The following WDR13 variants were observed in gnomAD, a reference collection of about 807,000 sequenced individuals.
WDR13 encodes the protein WD repeat domain 13.
WDR13 carries 1 observed loss-of-function variant against 28.6 expected under a neutral mutation model. That is an observed-to-expected ratio of 0.03 (90% CI 0.01 to 0.17). The LOEUF (loss-of-function observed/expected upper bound fraction) is 0.17, where lower values mean the gene tolerates loss of function less well. Ranked by LOEUF, WDR13 falls within the 10% of genes least tolerant of loss-of-function variation. WDR13 has a pLI of 1.00. For missense variants in WDR13, 264 were observed against 469.3 expected, an observed-to-expected ratio of 0.56 and a Z score of 4.04; for synonymous variants, 201 against 185.9, an observed-to-expected ratio of 1.08 and a Z score of -0.66.
Position 48,604,123 on chromosome X carries a change from A to C in WDR13, c.1155-149A>C, listed in dbSNP as rs2062205755. 7 of 458,397 alleles carry C rather than the reference A, an allele frequency of 1.5e-5. No homozygotes were observed. In the South Asian group the frequency reaches 2.4e-4, roughly 16 times the overall value. The allele number at this position is 458,397 out of a possible 1,213,427, so 37.8% of individuals were successfully genotyped here. On this transcript the variant is annotated intron_variant, in intron 8 of 9. Transcript: ENST00000376729. ...CACTACACTCCAGCCTGGGTGACAGAGTGAGATCCTGTCTCAAAAACAAAA... is the reference window on the plus strand; with the variant it reads ...CACTACACTCCAGCCTGGGTGACAGCGTGAGATCCTGTCTCAAAAACAAAA...
chrX:48,601,395 G>C (rs2062184904), intron 6 of WDR13, among the ~76,000 whole-genome samples: 1 of 112,337 alleles, frequency 8.9e-6, no homozygotes, highest in Non-Finnish European at 1.9e-5. Flanking sequence ...AACAGACCAA[G>C]AGTGAGCTTG....
At position 48,600,481 on chromosome X, in the gene WDR13, A is replaced by G; in HGVS notation, c.686A>G (p.Asn229Ser). The change falls in exon 6 of 10, where the codon AAT (asparagine) becomes AGT (serine). Residue 229 changes from asparagine (N) to serine (S), a missense_variant. Asn to Ser is a conservative substitution (Grantham distance 46). Transcript: ENST00000376729. ...TCCGACTTCGCCTGGTCCCTCTCCA[A>G]TGACATCCTCGTGTCCACCTCACTG... is the stretch of plus-strand genomic sequence containing the variant. ...GVSDFAWSLS[N>S]DILVSTSLDA... 1 of 1,212,160 alleles carries G rather than the reference A, an allele frequency of 8.2e-7. No individual in the cohort carries two copies. Among genetic ancestry groups the G allele is most frequent in the Admixed American group, 2.2e-5 (1 of 46,116 alleles).
chrX:48,605,660 G>A lies in WDR13; in HGVS notation c.*628G>A, dbSNP rs2062217466. ...AGCTCACTGCAGCCTCAACCTCCAG[G>A]GCTCAAGTGATCCTCACTTAAGCCT... On this transcript the variant is annotated 3_prime_UTR_variant, in exon 10 of 10. Transcript: ENST00000376729. The A allele has an allele frequency of 9.0e-6, 1 of 111,243 alleles. No homozygotes were observed. The highest frequency in any genetic ancestry group is 3.3e-5 in the African/African-American group (1 of 30,426). 9.2% of individuals were successfully genotyped at this position (111,243 alleles called of 1,213,427 possible).
chrX:48,605,112 A>G lies in WDR13; in HGVS notation c.*80A>G. ...TGTTGTAAATAAAGTTTCGGTGGTC[A>G]TGCTGAGGGCCGGCTCCCAGCTCTG... On this transcript the variant is annotated 3_prime_UTR_variant, in exon 10 of 10. Transcript: ENST00000376729. 1 of 1,101,538 alleles carries G rather than the reference A, an allele frequency of 9.1e-7. No homozygotes were observed. The highest frequency in any genetic ancestry group is 1.2e-6 in the Non-Finnish European group (1 of 827,194). 90.8% of individuals were successfully genotyped at this position (1,101,538 alleles called of 1,213,427 possible).
intron 8 of WDR13, among the ~76,000 whole-genome samples, chrX:48,602,442 T>G (rs1472419774): frequency 1.8e-5 from 2 of 111,474 alleles, no homozygotes; most frequent in Non-Finnish European, 3.8e-5. Context: ...GGTGCTGTTA[T>G]TATCTCCATT....
chrX:48,604,213 C>A, intron 8 of WDR13, 59 bp from the exon 9 acceptor site: 1 of 1,088,403 alleles, frequency 9.2e-7, no homozygotes, highest in South Asian at 1.9e-5. Context: ...CACAGGCCCA[C>A]AACTTGTCTC....
chrX:48,600,587 C>T lies in WDR13; in HGVS notation c.792C>T (p.Leu264=). Reference sequence around the variant, plus strand: ...CTGACCCCGATAGCGCTGAACTGCTCTGCTGCACCTTCCAGCCTGTCAACA... The same window carrying T: ...CTGACCCCGATAGCGCTGAACTGCTTTGCTGCACCTTCCAGCCTGTCAACA... ...EIPDPDSAEL[L]CCTFQPVNNN... Residue 264 remains leucine, a synonymous_variant, in exon 6 of 10, where the codon CTC becomes CTT. Coordinates refer to ENST00000376729, the MANE Select transcript of WDR13 (RefSeq NM_001347217.2). 5 of 1,211,026 alleles carry T rather than the reference C, an allele frequency of 4.1e-6. No homozygotes were observed. The highest frequency in any genetic ancestry group is 5.6e-6 in the Non-Finnish European group (5 of 895,104).
rs782402775 is a variant in WDR13 at position 48,599,571 on chromosome X, TC to T, written c.393-14del. Reference sequence around the variant, plus strand: ...CATCTACCTCCTGTCACCCCTCACTTCCTATTGGGGCCCAGGCCCCCTGGCA... The same window carrying T: ...CATCTACCTCCTGTCACCCCTCACTTCTATTGGGGCCCAGGCCCCCTGGCA... On this transcript the variant is annotated splice_polypyrimidine_tract_variant and intron_variant, in intron 4 of 9. Coordinates refer to ENST00000376729, the MANE Select transcript of WDR13 (RefSeq NM_001347217.2). The T allele has an allele frequency of 8.3e-7, 1 of 1,211,247 alleles. No homozygotes were observed. Among genetic ancestry groups the T allele is most frequent in the South Asian group, 1.8e-5 (1 of 56,931 alleles).
At chrX:48,601,696 C>T (rs2062186999) in intron 6 of WDR13, 88 bp from the exon 7 acceptor site, 1 of 952,561 alleles carries the variant, frequency 1.0e-6, no homozygotes, top group African/African-American at 2.0e-5. Context: ...AGGGACCAGC[C>T]AGTCGCATCA....
Position 48,607,386 on chromosome X carries a change from G to T in WDR13, c.*2354G>T, listed in dbSNP as rs1173963195. On this transcript the variant is annotated 3_prime_UTR_variant, in exon 10 of 10. Coordinates refer to ENST00000376729, the MANE Select transcript of WDR13 (RefSeq NM_001347217.2). ...TTGTTTTGGTTTTTTTTTGGCGGGG[G>T]GGGGGGGGTCTTGCTCTGACGCCCA... 1 of 68,983 alleles carries T rather than the reference G, an allele frequency of 1.4e-5. No individual in the cohort carries two copies. The highest frequency in any genetic ancestry group is 5.2e-5 in the African/African-American group (1 of 19,147). The allele number at this position is 68,983 out of a possible 1,213,427, so 5.7% of individuals were successfully genotyped here. A position where few individuals can be genotyped will look rare whatever the true frequency, so the allele number is the denominator to read the frequency against.
chrX:48,597,790 C>A, intron 1 of WDR13, 168 bp from the exon 2 acceptor site: 1 of 608,107 alleles, frequency 1.6e-6, no homozygotes, highest in Non-Finnish European at 2.4e-6. Context: ...CCGGGCGCTG[C>A]CCAGGAAGGG....
At position 48,599,334 on chromosome X, in the gene WDR13, T is replaced by G; in HGVS notation, c.283-19T>G. On this transcript the variant is annotated intron_variant, in intron 3 of 9. Coordinates refer to ENST00000376729, the MANE Select transcript of WDR13 (RefSeq NM_001347217.2). ...GGCTTTTTGCAAGATGCACCCACCCTGACCCTCTCCATTTGCAGGACTTTG... is the reference window on the plus strand; with the variant it reads ...GGCTTTTTGCAAGATGCACCCACCCGGACCCTCTCCATTTGCAGGACTTTG... The G allele has an allele frequency of 8.6e-7, 1 of 1,157,973 alleles. No homozygotes were observed.
Position 48,607,324 on chromosome X carries a change from G to C in WDR13, c.*2292G>C, listed in dbSNP as rs1216232490. ...GTTGCTGACCAAGGAAGCTCAATTA[G>C]AGACTCAGCACCCAGAGGTTTTTTT... is the stretch of plus-strand genomic sequence containing the variant. On this transcript the variant is annotated 3_prime_UTR_variant, in exon 10 of 10. Transcript: ENST00000376729. 2.1e-5 allele frequency: 2 copies of C among 97,177 alleles called. No individual in the cohort carries two copies. Among genetic ancestry groups the C allele is most frequent in the Non-Finnish European group, 4.0e-5 (2 of 49,765 alleles). The allele number at this position is 97,177 out of a possible 1,213,427, so 8.0% of individuals were successfully genotyped here.
In WDR13 at chrX:48,605,563, CAG is replaced by C. The variant is rs1298151068; in HGVS notation, c.*532_*533del. The C allele has an allele frequency of 8.8e-6, 1 of 113,044 alleles. No homozygotes were observed. The highest frequency in any genetic ancestry group is 3.3e-5 in the African/African-American group (1 of 30,491). The allele number at this position is 113,044 out of a possible 1,213,427, so 9.3% of individuals were successfully genotyped here. ...ACAGCATCAGGGAAGATGATCCTGA[CAG>C]GGTGACTTTTTTGTTTTTGAGACAG... On this transcript the variant is annotated 3_prime_UTR_variant, in exon 10 of 10. Coordinates refer to ENST00000376729, the MANE Select transcript of WDR13 (RefSeq NM_001347217.2).
chrX:48,599,398 C>A lies in WDR13; in HGVS notation c.328C>A (p.Arg110Ser). Residue 110 changes from arginine to serine, a missense_variant, in exon 4 of 10, where the codon CGT (arginine) becomes AGT (serine). This residue lies in a region of WDR13 where 74 missense variants were observed against 89.3 expected (regional missense o/e 0.83). Coordinates refer to ENST00000376729, the MANE Select transcript of WDR13 (RefSeq NM_001347217.2). ...GGCCCTGGGGGCCCGTGGGCACCGT[C>A]GTTCTGTCAGCAGAGGCTCCTACCA... ...PRALGARGHR[R>S]SVSRGSYQLQ... 1 of 1,210,426 alleles carries A rather than the reference C, an allele frequency of 8.3e-7. No homozygotes were observed.
chrX:48,598,172 G>A, intron 2 of WDR13, 135 bp downstream of exon 2: 1 of 1,133,634 alleles, frequency 8.8e-7, no homozygotes, highest in Non-Finnish European at 1.2e-6. Context: ...CGCAGTAGCG[G>A]GGGCGGGCAC....
At chrX:48,602,031 C>G in intron 7 of WDR13, 34 bp from the exon 8 acceptor site, 1 of 1,205,652 alleles carries the variant, frequency 8.3e-7, no homozygotes, top group Non-Finnish European at 1.1e-6. Context: ...AGCCCTCACC[C>G]TCACCTTTGC....
Position 48,604,937 on chromosome X carries a change from C to T in WDR13, c.1363C>T (p.Pro455Ser). Residue 455 changes from proline (P) to serine (S), a missense_variant, in exon 10 of 10, where the codon CCT becomes TCT. Transcript: ENST00000376729. ...CAACAAGCTGCAGGGCCACAGTGCA[C>T]CTGTGCTTGATGTCAGCTTCAACTG... ...AVNKLQGHSA[P>S]VLDVSFNCDE... The T allele has an allele frequency of 8.3e-7, 1 of 1,211,902 alleles. No homozygotes were observed. The highest frequency in any genetic ancestry group is 1.8e-5 in the South Asian group (1 of 57,005).
intron 1 of WDR13, 129 bp from the exon 2 acceptor site, chrX:48,597,829 C>G (rs2147219850): frequency 1.1e-6 from 1 of 889,126 alleles, no homozygotes; most frequent in East Asian, 3.8e-5. Context: ...CATGGTAACA[C>G]CCGGGGGGGA....
Sources: gnomAD v4.1 joint callset for allele counts (sites outside exome capture counted in the v4.1 genomes callset) on GRCh38, gnomAD v4.1.1 for gene constraint, gnomAD v4.1.1 regional missense constraint, MANE v1.5 for transcripts, NCBI Gene and HGNC (gene_info 2026-07-23, HGNC 2026-07-21) for gene names.